Variants in CNTNAP5 observed in about 807,000 individuals in gnomAD.
CNTNAP5 encodes contactin associated protein family member 5.
CNTNAP5 carries 72 observed loss-of-function variants against 150.2 expected under a neutral mutation model. The ratio of observed to expected loss-of-function variants is 0.48; its 90% CI spans 0.40 to 0.58. The LOEUF (loss-of-function observed/expected upper bound fraction) is 0.58. CNTNAP5 is among the 20% of genes least tolerant of loss of function. The probability of loss-of-function intolerance (pLI) is 0.00; values close to 1 mark genes in which losing one functional copy is unlikely to be tolerated. For synonymous variants in CNTNAP5, 672 were observed against 619.8 expected, an observed-to-expected ratio of 1.08 and a Z score of -1.25; for missense variants, 1,636 against 1,626.2, an observed-to-expected ratio of 1.01 and a Z score of -0.10.
chr2:124,822,166 A>G (rs1456067431), intron 19 of CNTNAP5, among the ~76,000 whole-genome samples: 1 of 152,124 alleles, frequency 6.6e-6, no homozygotes, highest in African/African-American at 2.4e-5. Flanking sequence ...CTGTAGCCTC[A>G]GGACTTATAT....
At chr2:124,333,528 T>C (rs1039758389) in intron 3 of CNTNAP5, among the ~76,000 whole-genome samples, 1 of 152,168 alleles carries the variant, frequency 6.6e-6, no homozygotes, top group African/African-American at 2.4e-5. Context: ...TATATGTCAA[T>C]GTAATATAAA....
intron 1 of CNTNAP5, among the ~76,000 whole-genome samples, chr2:124,212,834 T>G (rs1182509273): frequency 9.8e-5 from 13 of 132,064 alleles, no homozygotes; most frequent in Non-Finnish European, 1.9e-4. Flanking sequence ...TAAATCTTTT[T>G]TTTTTTTTTT....
At chr2:124,214,460 TG>T (rs1164802205) in intron 1 of CNTNAP5, among the ~76,000 whole-genome samples, 1 of 152,152 alleles carries the variant, frequency 6.6e-6, no homozygotes. Context: ...CCACCACGTT[TG>T]ATGAATTTGC....
chr2:124,196,050 A>T (rs1260449476), intron 1 of CNTNAP5, among the ~76,000 whole-genome samples: 1 of 150,846 alleles, frequency 6.6e-6, no homozygotes. Context: ...AAAATAAATG[A>T]TACCAGGTAA....
At chr2:124,169,986 AG>A (rs1482981887) in intron 1 of CNTNAP5, among the ~76,000 whole-genome samples, 2 of 152,220 alleles carry the variant, frequency 1.3e-5, no homozygotes, top group African/African-American at 4.8e-5. Flanking sequence ...AAAGACCAGG[AG>A]TAGCCTCAGT....
intron 13 of CNTNAP5, among the ~76,000 whole-genome samples, chr2:124,688,778 T>A (rs2105076799): frequency 6.6e-6 from 1 of 152,230 alleles, no homozygotes; most frequent in African/African-American, 2.4e-5. Context: ...CTTTGAATAA[T>A]AGCCCACATC....
chr2:124,374,737 A>C lies in CNTNAP5; in HGVS notation c.382-42706A>C, dbSNP rs373544570. On this transcript the variant is annotated intron_variant, in intron 3 of 23. Coordinates refer to ENST00000682447, the MANE Select transcript of CNTNAP5 (RefSeq NM_001367498.1). ...CCTAGTGGCAAAATCTTGGTTTCTA[A>C]ACAGCATTCTCCAATGCACACAACC... Among the ~76,000 whole-genome samples, 4 of 152,146 alleles carry C rather than the reference A, an allele frequency of 2.6e-5. No homozygotes were observed. In the East Asian group the frequency reaches 5.8e-4, roughly 22 times the overall value.
chr2:124,232,491 A>G (rs903160103), intron 2 of CNTNAP5, among the ~76,000 whole-genome samples: 1 of 152,132 alleles, frequency 6.6e-6, no homozygotes, highest in African/African-American at 2.4e-5. Flanking sequence ...TCTCCATGAG[A>G]AGTGAAAATG....
chr2:124,145,779 A>G (rs1379156171), intron 1 of CNTNAP5, among the ~76,000 whole-genome samples: 1 of 133,896 alleles, frequency 7.5e-6, no homozygotes, highest in Non-Finnish European at 1.6e-5. Flanking sequence ...ATGTACCCTA[A>G]AACTTAAAGT....
At chr2:124,532,670 G>A (rs1238917725) in intron 10 of CNTNAP5, among the ~76,000 whole-genome samples, 1 of 152,134 alleles carries the variant, frequency 6.6e-6, no homozygotes, top group African/African-American at 2.4e-5. Context: ...GAAGCAGCAG[G>A]ACACATTTAA....
At chr2:124,221,618 G>T in intron 1 of CNTNAP5, 87 bp from the exon 2 acceptor site, 1 of 854,514 alleles carries the variant, frequency 1.2e-6, no homozygotes, top group Non-Finnish European at 1.9e-6. Flanking sequence ...ATAAATGATG[G>T]TAGTTAATTT....
chr2:124,620,459 T>A (rs1677587521), intron 12 of CNTNAP5, among the ~76,000 whole-genome samples: 1 of 152,096 alleles, frequency 6.6e-6, no homozygotes, highest in Non-Finnish European at 1.5e-5. Flanking sequence ...CTGCTCAACC[T>A]CTCTCCAAGT....
intron 1 of CNTNAP5, among the ~76,000 whole-genome samples, chr2:124,056,264 C>A (rs1399357478): frequency 6.6e-6 from 1 of 152,182 alleles, no homozygotes; most frequent in African/African-American, 2.4e-5. Flanking sequence ...TTGACCATCT[C>A]CTCTCACTAG....
At chr2:124,307,567 A>G (rs960826760) in intron 3 of CNTNAP5, among the ~76,000 whole-genome samples, 1 of 152,180 alleles carries the variant, frequency 6.6e-6, no homozygotes, top group Non-Finnish European at 1.5e-5. Context: ...TGTGAACTCA[A>G]GGGTTTTTGG....
chr2:124,039,057 T>C (rs1681297157), intron 1 of CNTNAP5, among the ~76,000 whole-genome samples: 2 of 152,226 alleles, frequency 1.3e-5, no homozygotes, highest in Non-Finnish European at 2.9e-5. Flanking sequence ...ATCTGATATA[T>C]CTTGCTACCA....
intron 1 of CNTNAP5, among the ~76,000 whole-genome samples, chr2:124,129,789 T>C (rs184963728): frequency 1.3e-5 from 2 of 152,330 alleles, no homozygotes; most frequent in Admixed American, 1.3e-4. Flanking sequence ...TCCAAAATGA[T>C]TGCTTTAAAA....
chr2:124,716,179 G>GA (rs1679941121), intron 13 of CNTNAP5, among the ~76,000 whole-genome samples: 1 of 151,868 alleles, frequency 6.6e-6, no homozygotes, highest in Admixed American at 6.6e-5. Flanking sequence ...CTATCAATAT[G>GA]AAAAAATGAT....
chr2:124,512,331 A>G (rs1694611847), intron 8 of CNTNAP5, among the ~76,000 whole-genome samples: 2 of 152,042 alleles, frequency 1.3e-5, no homozygotes. Context: ...GAGTAAGTCT[A>G]CATTTTAAAT....
At chr2:124,449,239 T>C (rs1692904572) in intron 6 of CNTNAP5, among the ~76,000 whole-genome samples, 2 of 152,220 alleles carry the variant, frequency 1.3e-5, no homozygotes, top group South Asian at 4.1e-4. Flanking sequence ...ACTGGAAATC[T>C]GTGAATATCA....
Sources: allele counts gnomAD v4.1 joint callset (sites outside exome capture counted in the v4.1 genomes callset), GRCh38; gene constraint gnomAD v4.1.1; transcripts MANE v1.5; gene names NCBI Gene and HGNC (gene_info 2026-07-23, HGNC 2026-07-21).